Variants in KIR2DL1 observed in about 807,000 individuals in gnomAD.
KIR2DL1 encodes killer cell immunoglobulin like receptor, two Ig domains and long cytoplasmic tail 1, also known as killer cell immunoglobulin-like receptor 2DL1.
KIR2DL1 carries 38 observed loss-of-function variants against 33.9 expected under a neutral mutation model. That is an observed-to-expected ratio of 1.12 (90% CI 0.86 to 1.47). The LOEUF (loss-of-function observed/expected upper bound fraction) is 1.47. Ranked by LOEUF, KIR2DL1 falls within the 40% of genes most tolerant of loss-of-function variation. The pLI, the probability that KIR2DL1 is intolerant of heterozygous loss-of-function variation, is 0.00. For synonymous variants in KIR2DL1, 179 were observed against 165.9 expected (o/e 1.08, Z -0.61); for missense variants, 531 against 433.9 (o/e 1.22, Z -1.99).
In KIR2DL1 at chr19:54,778,976, C is replaced by T. The variant is rs2076665552; in HGVS notation, c.715+314C>T. ...TAACTGGAGGATAAATTCCTGGAGA[C>T]TTGAGAGAGGGAAGGGAAGGGAACA... On this transcript the variant is annotated intron_variant, in intron 5 of 7. Transcript: ENST00000336077. Among the ~76,000 whole-genome samples the T allele has an allele frequency of 1.4e-5, 2 of 146,542 alleles. 1 individual carries two copies. The highest frequency in any genetic ancestry group is 5.0e-5 in the African/African-American group (2 of 39,822).
Position 54,773,225 on chromosome 19 carries a change from G to A in KIR2DL1, c.71-108G>A. On this transcript the variant is annotated intron_variant, in intron 2 of 7. Transcript: ENST00000336077. ...AGAAAAGAACATGAAGACACAGAGA[G>A]GAAGGAGAGAGATAAGACACCAGGA... 7.2e-6 allele frequency: 9 copies of A among 1,256,722 alleles called. No homozygotes were observed. The South Asian group carries it at 1.2e-4, about 17-fold the overall frequency. 77.8% of individuals were successfully genotyped at this position (1,256,722 alleles called of 1,614,324 possible). A position where few individuals can be genotyped will look rare whatever the true frequency, so the allele number is the denominator to read the frequency against.
At chr19:54,781,000 C>T (rs1219079558) in intron 5 of KIR2DL1, among the ~76,000 whole-genome samples, 1 of 94,816 alleles carries the variant, frequency 1.1e-5, no homozygotes, top group African/African-American at 4.2e-5. Context: ...GTGGTGAAAC[C>T]CTATCTCTAC....
At chr19:54,778,445 C>G (rs2076594940) in intron 4 of KIR2DL1, among the ~76,000 whole-genome samples, 167 bp from the exon 5 acceptor site, 1 of 145,624 alleles carries the variant, frequency 6.9e-6, no homozygotes, top group African/African-American at 2.5e-5. Flanking sequence ...CTTGAAGTCT[C>G]AAGACAGTGG....
At position 54,783,628 on chromosome 19, in the gene KIR2DL1, T is replaced by A. The variant is rs2077317022; in HGVS notation, c.871-9T>A. On this transcript the variant is annotated splice_polypyrimidine_tract_variant and intron_variant, in intron 7 of 7. Coordinates refer to ENST00000336077, the MANE Select transcript of KIR2DL1 (RefSeq NM_014218.3). ...CACCCTCCCTCACTCAGCATTTCCC[T>A]CTCTCCAGGACTCTGATGAACAAGA... The A allele has an allele frequency of 6.2e-7, 1 of 1,613,948 alleles. No individual in the cohort carries two copies. Among genetic ancestry groups the A allele is most frequent in the Non-Finnish European group, 8.5e-7 (1 of 1,179,938 alleles).
chr19:54,775,312 C>A lies in KIR2DL1; in HGVS notation c.518C>A (p.Ala173Glu), dbSNP rs1487935949. ...EGEAHERRLP[A>E]GPKVNGTFQA... ...GAGGCCCATGAACGTAGGCTCCCTG[C>A]AGGGCCCAAGGTCAACGGAACATTC... Residue 173 changes from alanine (A) to glutamate (E), a missense_variant, in exon 4 of 8, where the codon GCA becomes GAA. Coordinates refer to ENST00000336077, the MANE Select transcript of KIR2DL1 (RefSeq NM_014218.3). 3 of 1,584,284 alleles carry A rather than the reference C, an allele frequency of 1.9e-6. No individual in the cohort carries two copies. In the Admixed American group the frequency reaches 5.1e-5, roughly 27 times the overall value.
At position 54,784,059 on chromosome 19, in the gene KIR2DL1, T is replaced by G; in HGVS notation, c.*246T>G. On this transcript the variant is annotated 3_prime_UTR_variant, in exon 8 of 8. Coordinates refer to ENST00000336077, the MANE Select transcript of KIR2DL1 (RefSeq NM_014218.3). ...TTAACCCACAGTTCTCCATTTCACT[T>G]GACCCCTGCCCACCTCTCCAACCTA... The G allele has an allele frequency of 1.6e-6, 1 of 644,080 alleles. No individual in the cohort carries two copies. The highest frequency in any genetic ancestry group is 2.8e-5 in the East Asian group (1 of 35,894). The allele number at this position is 644,080 out of a possible 1,614,324, so 39.9% of individuals were successfully genotyped here. A position where few individuals can be genotyped will look rare whatever the true frequency, so the allele number is the denominator to read the frequency against.
chr19:54,783,536 G>C lies in KIR2DL1; in HGVS notation c.868G>C (p.Glu290Gln). 1.2e-6 allele frequency: 2 copies of C among 1,613,816 alleles called. No homozygotes were observed. The highest frequency in any genetic ancestry group is 1.7e-6 in the Non-Finnish European group (2 of 1,179,914). ...ESAGNRTANS[E>Q]DSDEQDPQEV... ...TGCAGGAAACAGAACAGCGAATAGC[G>C]AGGTAGGTACTCCTCGGCCCGGGCT... The change falls in exon 7 of 8, where the codon GAG (glutamate) becomes CAG (glutamine). Residue 290 changes from glutamate to glutamine, a missense_variant and splice_region_variant. Coordinates refer to ENST00000336077, the MANE Select transcript of KIR2DL1 (RefSeq NM_014218.3).
At chr19:54,777,129 C>T (rs1180514571) in intron 4 of KIR2DL1, among the ~76,000 whole-genome samples, 1 of 151,666 alleles carries the variant, frequency 6.6e-6, no homozygotes, top group Non-Finnish European at 1.5e-5. Flanking sequence ...TTGCTCTTCT[C>T]ACCCAGGCTG....
rs767319952 is a variant in KIR2DL1 at position 54,775,187 on chromosome 19, C to G, written c.393C>G (p.Leu131=). ...VIIGLYEKPS[L]SAQLGPTVLA... is the part of the protein sequence containing the mutation. ...CAGGTCTATATGAGAAACCTTCTCT[C>G]TCAGCCCAGCTGGGCCCCACGGTTC... Residue 131 remains leucine (L), a synonymous_variant, in exon 4 of 8, where the codon CTC becomes CTG. Transcript: ENST00000336077. 12 of 1,588,242 alleles carry G rather than the reference C, an allele frequency of 7.6e-6. 2 individuals carry two copies. The highest frequency in any genetic ancestry group is 8.6e-6 in the Non-Finnish European group (10 of 1,162,330).
Position 54,769,807 on chromosome 19 carries a change from T to G in KIR2DL1, c.-44T>G, listed in dbSNP as rs757869772. On this transcript the variant is annotated 5_prime_UTR_variant, in exon 1 of 8. Coordinates refer to ENST00000336077, the MANE Select transcript of KIR2DL1 (RefSeq NM_014218.3). The stretch of plus-strand genomic sequence containing the variant: ...CGCCAAATAACATCCTGTGCGCTGC[T>G]GAGCTGAGCTCGGTCGCGGCTGCCT... The G allele has an allele frequency of 1.9e-6, 3 of 1,561,576 alleles. No individual in the cohort carries two copies. In the Admixed American group the frequency reaches 5.2e-5, roughly 27 times the overall value.
In KIR2DL1 at chr19:54,779,178, C is replaced by A. The variant is rs1410691182; in HGVS notation, c.715+516C>A. Among the ~76,000 whole-genome samples, 24 of 148,078 alleles carry A rather than the reference C, an allele frequency of 1.6e-4. 2 individuals are homozygous for A. Among genetic ancestry groups the A allele is most frequent in the Non-Finnish European group, 3.5e-4 (23 of 66,236 alleles). ...ATTCAGCCACGGCCCCATGCTCAGGCTGTGCAGTGTGGAACCTTTTCCTAT... is the reference window on the plus strand; with the variant it reads ...ATTCAGCCACGGCCCCATGCTCAGGATGTGCAGTGTGGAACCTTTTCCTAT... On this transcript the variant is annotated intron_variant, in intron 5 of 7. Coordinates refer to ENST00000336077, the MANE Select transcript of KIR2DL1 (RefSeq NM_014218.3).
intron 5 of KIR2DL1, among the ~76,000 whole-genome samples, chr19:54,782,611 T>C (rs1251396414): frequency 1.3e-5 from 2 of 152,028 alleles, no homozygotes; most frequent in African/African-American, 4.8e-5. Context: ...CATTGATGTG[T>C]TCATGATGGA....
rs1312458615 is a variant in KIR2DL1, at chr19:54,783,839, T to C, written c.*26T>C. Reference sequence around the variant, plus strand: ...GCACCACAGTCAGGCCTTGAGGGCGTCTTCTAGGGAGACAACAGCCCTGTC... The same window carrying C: ...GCACCACAGTCAGGCCTTGAGGGCGCCTTCTAGGGAGACAACAGCCCTGTC... On this transcript the variant is annotated 3_prime_UTR_variant, in exon 8 of 8. Coordinates refer to ENST00000336077, the MANE Select transcript of KIR2DL1 (RefSeq NM_014218.3). The C allele has an allele frequency of 1.2e-6, 2 of 1,613,758 alleles. No individual in the cohort carries two copies. The highest frequency in any genetic ancestry group is 1.1e-5 in the South Asian group (1 of 91,066).
In KIR2DL1 at chr19:54,772,044, G is replaced by A. The variant is rs896583770; in HGVS notation, c.70+1160G>A. ...TACAGGGAAATGGGTGCTGTGGTGG[G>A]AAGAATAATTGTCCCCAGTGATGAC... On this transcript the variant is annotated intron_variant, in intron 2 of 7. Coordinates refer to ENST00000336077, the MANE Select transcript of KIR2DL1 (RefSeq NM_014218.3). Among the ~76,000 whole-genome samples, 508 of 140,176 alleles carry A rather than the reference G, an allele frequency of 3.6e-3. 2 individuals are homozygous for A. The highest frequency in any genetic ancestry group is 0.013 in the African/African-American group (487 of 37,906). 92.0% of individuals were successfully genotyped at this position (140,176 alleles called of 152,430 possible).
At chr19:54,773,308 C>A in intron 2 of KIR2DL1, 25 bp from the exon 3 acceptor site, 1 of 1,584,326 alleles carries the variant, frequency 6.3e-7, no homozygotes, top group Non-Finnish European at 8.6e-7. Flanking sequence ...GAGACACCTT[C>A]TAAACTCACA....
At chr19:54,776,050 C>G (rs1181273740) in intron 4 of KIR2DL1, among the ~76,000 whole-genome samples, 1 of 145,646 alleles carries the variant, frequency 6.9e-6, no homozygotes, top group Non-Finnish European at 1.5e-5. Flanking sequence ...CACCACCACG[C>G]CAGGCTACTT....
intron 2 of KIR2DL1, among the ~76,000 whole-genome samples, chr19:54,771,365 T>A (rs1456354942): frequency 1.3e-5 from 2 of 148,466 alleles, no homozygotes; most frequent in African/African-American, 2.5e-5. Flanking sequence ...TTGTTTTATG[T>A]GAGTAATCTT....
In KIR2DL1 at chr19:54,783,787, A is replaced by G. The variant is rs575867136; in HGVS notation, c.1021A>G (p.Arg341Gly). 6.2e-7 allele frequency: 1 copy of G among 1,613,994 alleles called. No homozygotes were observed. Among genetic ancestry groups the G allele is most frequent in the Non-Finnish European group, 8.5e-7 (1 of 1,179,952 alleles). ...VYTELPNAES[R>G]SKVVSCP ...CACGGAACTTCCAAATGCTGAGTCC[A>G]GATCCAAAGTTGTCTCCTGCCCATG... is the stretch of plus-strand genomic sequence containing the variant. The change falls in exon 8 of 8, where the codon AGA (arginine) becomes GGA (glycine). Residue 341 changes from arginine to glycine, a missense_variant. Coordinates refer to ENST00000336077, the MANE Select transcript of KIR2DL1 (RefSeq NM_014218.3).
chr19:54,772,176 A>G (rs35641303), intron 2 of KIR2DL1, among the ~76,000 whole-genome samples: 20,882 of 145,960 alleles, frequency 0.14, 1,908 homozygotes, highest in South Asian at 0.23. Flanking sequence ...ATGGGGAGAC[A>G]GCCTGGACTG....
Sources: allele counts gnomAD v4.1 joint callset (sites outside exome capture counted in the v4.1 genomes callset), GRCh38; gene constraint gnomAD v4.1.1; transcripts MANE v1.5; gene names NCBI Gene and HGNC (gene_info 2026-07-23, HGNC 2026-07-21).